ZNG1B: variants seen among roughly 807,000 people sequenced by gnomAD.
ZNG1B encodes the protein zinc-regulated GTPase metalloprotein activator 1B.
the ZNG1B span, among the ~76,000 whole-genome samples, chr2:113,488,295 G>A: frequency 1.3e-5 from 2 of 152,148 alleles, no homozygotes; most frequent in African/African-American, 4.8e-5. Flanking sequence ...CTCTCAGGAA[G>A]CCACATCCAT....
chr2:113,465,915 G>A, the ZNG1B span: 1 of 985,164 alleles, frequency 1.0e-6, no homozygotes, highest in Non-Finnish European at 1.2e-6. Flanking sequence ...TGAATGGCTT[G>A]TCTGCTATGG....
the ZNG1B span, among the ~76,000 whole-genome samples, chr2:113,476,506 C>T: frequency 2.7e-5 from 4 of 149,654 alleles, no homozygotes; most frequent in Non-Finnish European, 5.9e-5. Context: ...AGTCATTCTC[C>T]CTCCAGCTTT....
At chr2:113,465,502 GT>G in the ZNG1B span, among the ~76,000 whole-genome samples, 1 of 137,278 alleles carries the variant, frequency 7.3e-6, no homozygotes, top group Non-Finnish European at 1.6e-5. Flanking sequence ...TTAATTTGAA[GT>G]GTTTAAATGG....
At chr2:113,472,912 G>A in the ZNG1B span, among the ~76,000 whole-genome samples, 15 of 151,410 alleles carry the variant, frequency 9.9e-5, no homozygotes, top group African/African-American at 3.2e-4. Flanking sequence ...TTTGAAGTCA[G>A]GTAGTGTGAT....
the ZNG1B span, chr2:113,438,961 C>G: frequency 2.0e-6 from 3 of 1,510,172 alleles, no homozygotes; most frequent in African/African-American, 2.8e-5. Context: ...TAAGTTTATT[C>G]CCGTTTTTTG....
the ZNG1B span, chr2:113,437,898 G>A: frequency 4.3e-6 from 7 of 1,612,024 alleles, no homozygotes; most frequent in Admixed American, 8.3e-5. Context: ...CTGCGGATGA[G>A]GAGGAGGATC....
chr2:113,490,761 C>T, the ZNG1B span, among the ~76,000 whole-genome samples: 6 of 146,904 alleles, frequency 4.1e-5, no homozygotes, highest in East Asian at 4.2e-4. Context: ...AAAGATACAA[C>T]CCTCCTAGCT....
chr2:113,440,618 A>G, the ZNG1B span, among the ~76,000 whole-genome samples: 1 of 152,250 alleles, frequency 6.6e-6, no homozygotes, highest in Non-Finnish European at 1.5e-5. Context: ...CTTCCTAGTT[A>G]TATACTAGAA....
At chr2:113,442,056 G>A in the ZNG1B span, among the ~76,000 whole-genome samples, 2 of 152,128 alleles carry the variant, frequency 1.3e-5, no homozygotes, top group African/African-American at 4.8e-5. Context: ...GTTTTTTTTA[G>A]GAATTAGGAA....
At chr2:113,468,620 T>C in the ZNG1B span, 1 of 148,970 alleles carries the variant, frequency 6.7e-6, no homozygotes, top group Non-Finnish European at 1.5e-5. Flanking sequence ...TTTTTCTTTT[T>C]TTTTTTTCTT....
the ZNG1B span, among the ~76,000 whole-genome samples, chr2:113,490,173 C>G: frequency 6.6e-6 from 1 of 152,010 alleles, no homozygotes; most frequent in Non-Finnish European, 1.5e-5. Context: ...TCTCTCAGAC[C>G]ACAGTGGAAT....
chr2:113,448,551 T>C, the ZNG1B span, among the ~76,000 whole-genome samples: 2 of 150,084 alleles, frequency 1.3e-5, no homozygotes, highest in Non-Finnish European at 3.0e-5. Flanking sequence ...GACTTCTCTA[T>C]AGCTATGAAA....
the ZNG1B span, among the ~76,000 whole-genome samples, chr2:113,484,875 T>C: frequency 6.6e-6 from 1 of 151,746 alleles, no homozygotes; most frequent in Non-Finnish European, 1.5e-5. Flanking sequence ...GGTTTCACCA[T>C]GTTGGCCAAG....
At chr2:113,485,835 C>T in the ZNG1B span, among the ~76,000 whole-genome samples, 4 of 152,100 alleles carry the variant, frequency 2.6e-5, no homozygotes, top group Non-Finnish European at 5.9e-5. Flanking sequence ...AGAAATAACC[C>T]AGTGGGTTAA....
chr2:113,438,552 G>A, the ZNG1B span, among the ~76,000 whole-genome samples: 182 of 152,062 alleles, frequency 1.2e-3, no homozygotes, highest in African/African-American at 3.4e-3. Context: ...AGGTCTGTTT[G>A]TAAACCACTG....
At chr2:113,474,551 T>C in the ZNG1B span, among the ~76,000 whole-genome samples, 1 of 148,276 alleles carries the variant, frequency 6.7e-6, no homozygotes, top group African/African-American at 2.5e-5. Context: ...TGTTTGCTCT[T>C]GCTTTTCTAG....
At chr2:113,481,200 T>C in the ZNG1B span, among the ~76,000 whole-genome samples, 3 of 143,316 alleles carry the variant, frequency 2.1e-5, no homozygotes, top group Non-Finnish European at 4.5e-5. Flanking sequence ...TTTTCTAAAG[T>C]AATCTCATTC....
chr2:113,439,157 A>C, the ZNG1B span: 959 of 1,320,478 alleles, frequency 7.3e-4, 3 homozygotes, highest in African/African-American at 0.013. Flanking sequence ...TCTGAAGCTC[A>C]GGAGTGAGAA....
chr2:113,492,301 A>G, the ZNG1B span, among the ~76,000 whole-genome samples: 9,117 of 137,888 alleles, frequency 0.066, 1,917 homozygotes, highest in African/African-American at 0.23. Context: ...ACAATGGAAT[A>G]CTCCTCAGCC....
Sources: allele counts gnomAD v4.1 joint callset (sites outside exome capture counted in the v4.1 genomes callset), GRCh38; gene constraint gnomAD v4.1.1; transcripts MANE v1.5; gene names NCBI Gene and HGNC (gene_info 2026-07-23, HGNC 2026-07-21).